Variants in RBM44 observed in about 807,000 individuals in gnomAD.
RBM44 encodes the protein RNA binding motif protein 44.
RBM44 carries 66 observed loss-of-function variants against 105.1 expected under a neutral mutation model. That is an observed-to-expected ratio of 0.63 (90% CI 0.52 to 0.77). RBM44 has a LOEUF of 0.77. Among genes scored for constraint, RBM44 ranks in the 30% least tolerant of loss-of-function variants. RBM44 has a pLI of 0.00. For synonymous variants in RBM44, 365 were observed against 417.6 expected (o/e 0.87, Z 1.54); for missense variants, 1,122 against 1,207.8 (o/e 0.93, Z 1.05).
chr2:237,831,764 A>G (rs1252738607), intron 13 of RBM44, among the ~76,000 whole-genome samples: 2 of 151,846 alleles, frequency 1.3e-5, no homozygotes, highest in South Asian at 2.1e-4. Flanking sequence ...CCTCTTTACT[A>G]CTTTACCTGT....
In RBM44 at chr2:237,821,727, G is replaced by A. The variant is rs755276029; in HGVS notation, c.2121-16G>A. 16 of 1,568,572 alleles carry A rather than the reference G, an allele frequency of 1.0e-5. No individual in the cohort carries two copies. Among genetic ancestry groups the A allele is most frequent in the Non-Finnish European group, 1.4e-5 (16 of 1,141,024 alleles). On this transcript the variant is annotated splice_polypyrimidine_tract_variant and intron_variant, in intron 7 of 15. Transcript: ENST00000316997. ...TCAAACATTAGATCATATTTCTTCT[G>A]AAATGTTCTTTTTAGCTTTTCAGAA...
intron 2 of RBM44, 147 bp downstream of exon 2, chr2:237,813,829 T>C: frequency 1.7e-6 from 1 of 594,002 alleles, no homozygotes; most frequent in South Asian, 2.2e-5. Flanking sequence ...CTTGCCAAAT[T>C]GACTCAGGTG....
intron 15 of RBM44, 64 bp downstream of exon 15, chr2:237,834,487 T>C (rs1159630137): frequency 2.2e-5 from 17 of 778,568 alleles, no homozygotes; most frequent in African/African-American, 1.5e-4. Context: ...TTGATTTCAT[T>C]TTCTTTTTAC....
chr2:237,809,261 A>G (rs2061630954), intron 1 of RBM44, among the ~76,000 whole-genome samples: 1 of 152,182 alleles, frequency 6.6e-6, no homozygotes, highest in African/African-American at 2.4e-5. Flanking sequence ...TTGCAGGAGT[A>G]CTTTATGCAT....
chr2:237,833,435 G>A (rs2061921916), intron 13 of RBM44, among the ~76,000 whole-genome samples: 1 of 152,068 alleles, frequency 6.6e-6, no homozygotes, highest in Non-Finnish European at 1.5e-5. Context: ...CGCAATAGAG[G>A]GTTCTGTTTT....
At position 237,821,211 on chromosome 2, in the gene RBM44, T is replaced by C; in HGVS notation, c.2054T>C (p.Leu685Pro). ...CTGGAAGAGCTGCCCCCACTGTCAC[T>C]AGAATCAAAATTATTATCTACCTTC... is the stretch of plus-strand genomic sequence containing the variant. ...IPLEELPPLS[L>P]ESKLLSTFST... Residue 685 changes from leucine to proline, a missense_variant, in exon 6 of 16, where the codon CTA (leucine) becomes CCA (proline). Transcript: ENST00000316997. The C allele has an allele frequency of 3.1e-6, 5 of 1,608,792 alleles. No homozygotes were observed. The highest frequency in any genetic ancestry group is 4.2e-6 in the Non-Finnish European group (5 of 1,177,520).
chr2:237,832,579 C>A (rs567775901), intron 13 of RBM44, among the ~76,000 whole-genome samples: 23 of 152,178 alleles, frequency 1.5e-4, no homozygotes, highest in Non-Finnish European at 3.4e-4. Flanking sequence ...GGGAGAGAGA[C>A]GTTATAAAGA....
At position 237,803,613 on chromosome 2, in the gene RBM44, G is replaced by A. The variant is rs1055385848; in HGVS notation, c.-19+4752G>A. Among the ~76,000 whole-genome samples the A allele has an allele frequency of 6.6e-6, 1 of 152,102 alleles. No individual in the cohort carries two copies. Among genetic ancestry groups the A allele is most frequent in the Admixed American group, 6.5e-5 (1 of 15,270 alleles). On this transcript the variant is annotated intron_variant, in intron 1 of 15. Coordinates refer to ENST00000316997, the MANE Select transcript of RBM44 (RefSeq NM_001080504.3). The surrounding 1 kb of genome is among the most constrained non-coding windows in gnomAD (Gnocchi z 4.2). ...TTTTTTAAGTAATGTCTTTTGATGA[G>A]GAAAAGTTTCTTAATTTTGCTGAAT...
intron 12 of RBM44, 27 bp downstream of exon 12, chr2:237,827,530 G>A (rs1241961496): frequency 8.1e-7 from 1 of 1,228,316 alleles, no homozygotes; most frequent in Non-Finnish European, 1.2e-6. Context: ...TAATCAATGT[G>A]CATTATTATG....
chr2:237,827,454 CA>C lies in RBM44; in HGVS notation c.2556del (p.Lys852AsnfsTer30). ...TTAGGCCGATTTAAGGTCTCATTTCCAAAAATACCAAGTTTCTGAAATTTCA... is the reference window on the plus strand; with the variant it reads ...TTAGGCCGATTTAAGGTCTCATTTCCAAAATACCAAGTTTCTGAAATTTCA... Reference protein sequence around the residue: ...VSEADLRSHFQKYQVSEISIY... With the variant: ...VSEADLRSHFXKYQVSEISIY... On this transcript the variant is annotated frameshift_variant, in exon 12 of 16. Coordinates refer to ENST00000316997, the MANE Select transcript of RBM44 (RefSeq NM_001080504.3). LOFTEE classifies it high-confidence loss of function. 6.5e-7 allele frequency: 1 copy of C among 1,530,820 alleles called. No homozygotes were observed. Among genetic ancestry groups the C allele is most frequent in the Non-Finnish European group, 8.9e-7 (1 of 1,129,316 alleles). 94.8% of individuals were successfully genotyped at this position (1,530,820 alleles called of 1,614,324 possible).
In RBM44 at chr2:237,816,990, C is replaced by T; in HGVS notation, c.74-3C>T. 1 of 1,467,004 alleles carries T rather than the reference C, an allele frequency of 6.8e-7. No individual in the cohort carries two copies. The highest frequency in any genetic ancestry group is 9.1e-7 in the Non-Finnish European group (1 of 1,093,906). The allele number at this position is 1,467,004 out of a possible 1,614,324, so 90.9% of individuals were successfully genotyped here. A position where few individuals can be genotyped will look rare whatever the true frequency, so the allele number is the denominator to read the frequency against. ...TTAATGTTTTTATCCTTTTTTTAAT[C>T]AGATAAACCTTCAAATCCAAAGAAA... is the stretch of plus-strand genomic sequence containing the variant. On this transcript the variant is annotated splice_polypyrimidine_tract_variant and splice_region_variant and intron_variant, in intron 2 of 15. Coordinates refer to ENST00000316997, the MANE Select transcript of RBM44 (RefSeq NM_001080504.3).
intron 1 of RBM44, among the ~76,000 whole-genome samples, chr2:237,801,125 A>G (rs555498784): frequency 3.9e-5 from 6 of 152,106 alleles, no homozygotes; most frequent in Non-Finnish European, 8.8e-5. Context: ...CCCTTGGGCT[A>G]GGGGACCATC....
chr2:237,837,513 T>C (rs2061971484), intron 15 of RBM44, among the ~76,000 whole-genome samples: 1 of 152,148 alleles, frequency 6.6e-6, no homozygotes, highest in Non-Finnish European at 1.5e-5. Context: ...GGTTCAAGAC[T>C]TCAGTGGAGG....
intron 10 of RBM44, among the ~76,000 whole-genome samples, chr2:237,826,070 T>A (rs2061845141): frequency 6.6e-6 from 1 of 152,144 alleles, no homozygotes. Context: ...GAGAATTACA[T>A]GAGATGATGT....
chr2:237,811,906 G>C (rs2061662498), intron 1 of RBM44, among the ~76,000 whole-genome samples: 1 of 152,174 alleles, frequency 6.6e-6, no homozygotes, highest in African/African-American at 2.4e-5. Flanking sequence ...CCAGGCTGGA[G>C]TGCATTAGTG....
chr2:237,817,022 T>G lies in RBM44; in HGVS notation c.103T>G (p.Leu35Val), dbSNP rs753294282. 1 of 1,546,550 alleles carries G rather than the reference T, an allele frequency of 6.5e-7. No homozygotes were observed. The highest frequency in any genetic ancestry group is 8.7e-7 in the Non-Finnish European group (1 of 1,150,220). Residue 35 changes from leucine (L) to valine (V), a missense_variant, in exon 3 of 16, where the codon TTG (leucine) becomes GTG (valine). By Grantham distance (32) the Leu-to-Val change is conservative (BLOSUM62 1). This residue lies in a region of RBM44 where 918 missense variants were observed against 955.3 expected (regional missense o/e 0.96). Coordinates refer to ENST00000316997, the MANE Select transcript of RBM44 (RefSeq NM_001080504.3). ...DKPSNPKKEN[L>V]LLSSNGCDEV... ...ACCTTCAAATCCAAAGAAAGAAAAT[T>G]TGTTATTATCCTCCAATGGTTGTGA...
chr2:237,833,119 TAC>T (rs1462411896), intron 13 of RBM44, among the ~76,000 whole-genome samples: 1 of 152,192 alleles, frequency 6.6e-6, no homozygotes, highest in East Asian at 1.9e-4. Flanking sequence ...AGTTATTACA[TAC>T]CAACTGTGTA....
chr2:237,818,610 G>A lies in RBM44; in HGVS notation c.1677+14G>A. The A allele has an allele frequency of 6.9e-7, 1 of 1,454,206 alleles. No homozygotes were observed. Among genetic ancestry groups the A allele is most frequent in the Non-Finnish European group, 9.1e-7 (1 of 1,093,552 alleles). The allele number at this position is 1,454,206 out of a possible 1,614,324, so 90.1% of individuals were successfully genotyped here. On this transcript the variant is annotated intron_variant, in intron 3 of 15. Coordinates refer to ENST00000316997, the MANE Select transcript of RBM44 (RefSeq NM_001080504.3). The surrounding 1 kb of genome is among the most constrained non-coding windows in gnomAD (Gnocchi z 4.6). ...TTTCTAAATAAGGTAAAATCAATAT[G>A]AGTAATAATAAAATTTGGACTTTAT... is the stretch of plus-strand genomic sequence containing the variant.
At chr2:237,802,990 G>A (rs563952922) in intron 1 of RBM44, among the ~76,000 whole-genome samples, 5 of 152,310 alleles carry the variant, frequency 3.3e-5, no homozygotes, top group African/African-American at 1.2e-4. Context: ...ATTTTGGCCA[G>A]GTGCACTGGC....
Sources: allele counts gnomAD v4.1 joint callset (sites outside exome capture counted in the v4.1 genomes callset), GRCh38; gene constraint gnomAD v4.1.1; regional missense constraint gnomAD v4.1.1; non-coding constraint Gnocchi (gnomAD v3.1); transcripts MANE v1.5; gene names NCBI Gene and HGNC (gene_info 2026-07-23, HGNC 2026-07-21).